The following KCNQ1OT1 variants were observed in gnomAD, a reference collection of about 807,000 sequenced individuals.
KCNQ1OT1 encodes KCNQ1 opposite strand/antisense transcript 1, also known as KCNQ1 antisense RNA 2 (non-protein coding).
rs997148885 is a variant in KCNQ1OT1 at position 2,664,196 on chromosome 11, G to A, written n.35799C>T. On this transcript the variant is annotated non_coding_transcript_exon_variant, in exon 1 of 1. Transcript: ENST00000597346. This position sits in a 1 kb window ranked among gnomAD's most constrained non-coding sequence, Gnocchi z 5.1. ...GCTAGATATGAGCCAGCCTGGGAAG[G>A]CAGGAAGGAGCCCAGGCATGGGGCT... is the stretch of plus-strand genomic sequence containing the variant. 7.5e-6 allele frequency: 3 copies of A among 398,804 alleles called. No homozygotes were observed. The highest frequency in any genetic ancestry group is 1.3e-5 in the Non-Finnish European group (3 of 226,220). The allele number at this position is 398,804 out of a possible 1,614,324, so 24.7% of individuals were successfully genotyped here. A position where few individuals can be genotyped will look rare whatever the true frequency, so the allele number is the denominator to read the frequency against.
exon 1 of KCNQ1OT1, chr11:2,644,127 A>C: frequency 2.5e-6 from 1 of 398,426 alleles, no homozygotes; most frequent in Non-Finnish European, 4.4e-6. Context: ...CTATATTTGG[A>C]TCTAAATCTC....
Position 2,617,719 on chromosome 11 carries a change from A to G in KCNQ1OT1, n.82276T>C, listed in dbSNP as rs1849091105. 5.0e-6 allele frequency: 2 copies of G among 398,456 alleles called. No individual in the cohort carries two copies. The highest frequency in any genetic ancestry group is 8.9e-6 in the Non-Finnish European group (2 of 225,982). The allele number at this position is 398,456 out of a possible 1,614,324, so 24.7% of individuals were successfully genotyped here. On this transcript the variant is annotated non_coding_transcript_exon_variant, in exon 1 of 1. Transcript: ENST00000597346. The surrounding 1 kb of genome is among the most constrained non-coding windows in gnomAD (Gnocchi z 4.6). Reference sequence around the variant, plus strand: ...TCCCTAACCCTAGCCAACACTTAATAGCTATTCTCATGAGTGTGAGGTGAT... The same window carrying G: ...TCCCTAACCCTAGCCAACACTTAATGGCTATTCTCATGAGTGTGAGGTGAT...
At chr11:2,693,301 C>T (rs1477207701) in exon 1 of KCNQ1OT1, 3 of 398,652 alleles carry the variant, frequency 7.5e-6, no homozygotes, top group Non-Finnish European at 1.3e-5. Flanking sequence ...CTGCTCTTAG[C>T]ACCCACAGGC....
At chr11:2,686,578 T>G in exon 1 of KCNQ1OT1, 1 of 398,686 alleles carries the variant, frequency 2.5e-6, no homozygotes, top group Non-Finnish European at 4.4e-6. Context: ...CTGTGGTGAC[T>G]AGAATGGCAG....
chr11:2,619,029 C>A lies in KCNQ1OT1; in HGVS notation n.80966G>T, dbSNP rs189564113. 55 of 398,318 alleles carry A rather than the reference C, an allele frequency of 1.4e-4. No homozygotes were observed. The East Asian group carries it at 1.8e-3, about 13-fold the overall frequency. 24.7% of individuals were successfully genotyped at this position (398,318 alleles called of 1,614,324 possible). A position where few individuals can be genotyped will look rare whatever the true frequency, so the allele number is the denominator to read the frequency against. ...TACTGTTTTATATTGATTTTATATC[C>A]TACAACTTTACTGAACTCATTTATT... is the stretch of plus-strand genomic sequence containing the variant. On this transcript the variant is annotated non_coding_transcript_exon_variant, in exon 1 of 1. Transcript: ENST00000597346.
exon 1 of KCNQ1OT1, chr11:2,643,004 TGTG>T (rs777652306): frequency 5.0e-6 from 2 of 398,000 alleles, no homozygotes; most frequent in Non-Finnish European, 8.9e-6. Flanking sequence ...TTTATGCTAT[TGTG>T]GTCTGAGAAG....
At chr11:2,622,501 G>A (rs1315961115) in exon 1 of KCNQ1OT1, 8 of 398,218 alleles carry the variant, frequency 2.0e-5, no homozygotes, top group Non-Finnish European at 3.5e-5. Context: ...AATCCATTCT[G>A]CCAACCTCTG....
exon 1 of KCNQ1OT1, chr11:2,684,425 C>A (rs570493377): frequency 5.0e-6 from 2 of 398,684 alleles, no homozygotes; most frequent in South Asian, 2.5e-4. Flanking sequence ...CCAGCACCAC[C>A]TCTTTCATTT....
exon 1 of KCNQ1OT1, chr11:2,675,077 A>G: frequency 2.5e-6 from 1 of 398,622 alleles, no homozygotes; most frequent in East Asian, 3.6e-5. Context: ...TGGAGAGGCT[A>G]GTGTGGGCAT....
At position 2,626,295 on chromosome 11, in the gene KCNQ1OT1, C is replaced by T; in HGVS notation, n.73700G>A. The T allele has an allele frequency of 2.5e-6, 1 of 398,392 alleles. No homozygotes were observed. The highest frequency in any genetic ancestry group is 6.3e-4 in the Middle Eastern group (1 of 1,586). 24.7% of individuals were successfully genotyped at this position (398,392 alleles called of 1,614,324 possible). A position where few individuals can be genotyped will look rare whatever the true frequency, so the allele number is the denominator to read the frequency against. ...GTTAGGTAAGGATCTCAACTTCATT[C>T]TCTTGAGTTAATTTTTGTGTATGGT... On this transcript the variant is annotated non_coding_transcript_exon_variant, in exon 1 of 1. Coordinates refer to ENST00000597346, the Ensembl canonical transcript of KCNQ1OT1. The surrounding 1 kb of genome is among the most constrained non-coding windows in gnomAD (Gnocchi z 4.0).
Position 2,654,464 on chromosome 11 carries a change from A to T in KCNQ1OT1, n.45531T>A, listed in dbSNP as rs1460661147. ...GGTTCCCGTGCTGAGCGCCAGGCAC[A>T]CATAAGCCCTGCAGCCGTACAGGGG... On this transcript the variant is annotated non_coding_transcript_exon_variant, in exon 1 of 1. Coordinates refer to ENST00000597346, the Ensembl canonical transcript of KCNQ1OT1. This position sits in a 1 kb window ranked among gnomAD's most constrained non-coding sequence, Gnocchi z 6.4. The T allele has an allele frequency of 1.5e-5, 6 of 398,716 alleles. No individual in the cohort carries two copies. The highest frequency in any genetic ancestry group is 4.4e-6 in the Non-Finnish European group (1 of 226,192). The allele number at this position is 398,716 out of a possible 1,614,324, so 24.7% of individuals were successfully genotyped here.
chr11:2,662,187 C>A, exon 1 of KCNQ1OT1: 1 of 1,490,786 alleles, frequency 6.7e-7, no homozygotes, highest in Non-Finnish European at 9.2e-7. Flanking sequence ...GTGCTATCTA[C>A]TCGCCTAGTG....
chr11:2,661,801 A>C lies in KCNQ1OT1; in HGVS notation n.38194T>G. 2.5e-6 allele frequency: 2 copies of C among 797,102 alleles called. No individual in the cohort carries two copies. Among genetic ancestry groups the C allele is most frequent in the Non-Finnish European group, 4.2e-6 (2 of 479,324 alleles). The allele number at this position is 797,102 out of a possible 1,614,324, so 49.4% of individuals were successfully genotyped here. On this transcript the variant is annotated non_coding_transcript_exon_variant, in exon 1 of 1. Transcript: ENST00000597346. The surrounding 1 kb of genome is among the most constrained non-coding windows in gnomAD (Gnocchi z 5.9). ...CACTTTGGGGCCATCTTAAACACCC[A>C]CCCACCCCAACACCCAACTATAAAA...
chr11:2,609,857 T>C, exon 1 of KCNQ1OT1: 1 of 398,176 alleles, frequency 2.5e-6, no homozygotes, highest in Non-Finnish European at 4.4e-6. Flanking sequence ...GGTTGCTGCT[T>C]ACATGATATA....
chr11:2,675,811 T>C (rs1850283380), exon 1 of KCNQ1OT1: 1 of 398,614 alleles, frequency 2.5e-6, no homozygotes. Context: ...GCCACGTGCA[T>C]GCAGGGCTGC....
Position 2,654,295 on chromosome 11 carries a change from G to A in KCNQ1OT1, n.45700C>T, listed in dbSNP as rs960390365. The stretch of plus-strand genomic sequence containing the variant: ...CAGGGCTTTGGTGAATCCACTGAGA[G>A]GGGGAGATTTCTTGAGGGGGCCAGG... On this transcript the variant is annotated non_coding_transcript_exon_variant, in exon 1 of 1. Transcript: ENST00000597346. This position sits in a 1 kb window ranked among gnomAD's most constrained non-coding sequence, Gnocchi z 6.4. The A allele has an allele frequency of 2.5e-6, 1 of 398,888 alleles. No homozygotes were observed. The allele number at this position is 398,888 out of a possible 1,614,324, so 24.7% of individuals were successfully genotyped here.
chr11:2,685,672 G>T, exon 1 of KCNQ1OT1: 1 of 398,622 alleles, frequency 2.5e-6, no homozygotes, highest in East Asian at 3.6e-5. Flanking sequence ...GAAGTTCAGG[G>T]GTCCCATGTG....
chr11:2,658,968 A>G lies in KCNQ1OT1; in HGVS notation n.41027T>C, dbSNP rs552688554. ...TAGGACAGACTTTTGCTTTAACCAT[A>G]GAGTGTCCAGTCAAAACAGTGTTTT... On this transcript the variant is annotated non_coding_transcript_exon_variant, in exon 1 of 1. Coordinates refer to ENST00000597346, the Ensembl canonical transcript of KCNQ1OT1. This position sits in a 1 kb window ranked among gnomAD's most constrained non-coding sequence, Gnocchi z 4.9. 7 of 398,564 alleles carry G rather than the reference A, an allele frequency of 1.8e-5. No individual in the cohort carries two copies. In the East Asian group the frequency reaches 2.1e-4, roughly 12 times the overall value. The allele number at this position is 398,564 out of a possible 1,614,324, so 24.7% of individuals were successfully genotyped here. A position where few individuals can be genotyped will look rare whatever the true frequency, so the allele number is the denominator to read the frequency against.
At chr11:2,610,989 T>G in exon 1 of KCNQ1OT1, 2 of 398,488 alleles carry the variant, frequency 5.0e-6, no homozygotes, top group East Asian at 7.1e-5. Context: ...ACTATTATTG[T>G]TGAGTTGTCT....
Sources: gnomAD v4.1 joint callset for allele counts on GRCh38, gnomAD v4.1.1 for gene constraint, Gnocchi (gnomAD v3.1) non-coding constraint, MANE v1.5 for transcripts, NCBI Gene and HGNC (gene_info 2026-07-23, HGNC 2026-07-21) for gene names.